RNASEK: variants seen among roughly 807,000 people sequenced by gnomAD.
RNASEK encodes the protein ribonuclease kappa.
In RNASEK, 7 loss-of-function variants were observed where a neutral mutation model predicts 11.2. The observed-to-expected ratio is 0.62, with a 90% CI of 0.35 to 1.17. The LOEUF (loss-of-function observed/expected upper bound fraction) is 1.17. Among genes scored for constraint, RNASEK ranks in the 50% most tolerant of loss-of-function variants. The pLI is 0.02. For synonymous variants in RNASEK, 46 were observed against 49.5 expected (o/e 0.93, Z 0.30); for missense variants, 101 against 126.7 (o/e 0.80, Z 0.97).
intron 2 of RNASEK, 83 bp downstream of exon 2, chr17:7,013,825 G>C: frequency 9.2e-7 from 1 of 1,082,828 alleles, no homozygotes; most frequent in Non-Finnish European, 1.4e-6. Context: ...TGGGAGGCCC[G>C]GTGCTTAGGG....
At position 7,014,332 on chromosome 17, in the gene RNASEK, C is replaced by G. The variant is rs1373081131; in HGVS notation, c.*46C>G. ...CTCCAGCCCCTCCTCTATTTAAAGA[C>G]TCCCTGCACCGTGTCACCCAGGTCG... On this transcript the variant is annotated 3_prime_UTR_variant, in exon 3 of 3. Coordinates refer to ENST00000593646, the MANE Select transcript of RNASEK (RefSeq NM_001004333.5). The surrounding 1 kb of genome is among the most constrained non-coding windows in gnomAD (Gnocchi z 4.5). The G allele has an allele frequency of 1.9e-6, 3 of 1,601,894 alleles. No individual in the cohort carries two copies. The highest frequency in any genetic ancestry group is 2.6e-6 in the Non-Finnish European group (3 of 1,172,036).
intron 1 of RNASEK, chr17:7,013,204 C>A: frequency 2.7e-6 from 2 of 738,356 alleles, no homozygotes; most frequent in Non-Finnish European, 4.3e-6. Flanking sequence ...GGAGACCCCT[C>A]AAGGTAGGAG....
Position 7,014,336 on chromosome 17 carries a change from C to T in RNASEK, c.*50C>T. ...AGCCCCTCCTCTATTTAAAGACTCC[C>T]TGCACCGTGTCACCCAGGTCGCGTC... On this transcript the variant is annotated 3_prime_UTR_variant, in exon 3 of 3. Coordinates refer to ENST00000593646, the MANE Select transcript of RNASEK (RefSeq NM_001004333.5). This position sits in a 1 kb window ranked among gnomAD's most constrained non-coding sequence, Gnocchi z 4.5. 1.9e-6 allele frequency: 3 copies of T among 1,600,096 alleles called. No individual in the cohort carries two copies. Among genetic ancestry groups the T allele is most frequent in the Non-Finnish European group, 2.6e-6 (3 of 1,170,708 alleles).
Position 7,013,643 on chromosome 17 carries a change from G to A in RNASEK, c.79-23G>A, listed in dbSNP as rs368998727. 1.1e-4 allele frequency: 170 copies of A among 1,608,960 alleles called. 1 individual carries two copies. The highest frequency in any genetic ancestry group is 1.4e-4 in the Non-Finnish European group (164 of 1,175,374). On this transcript the variant is annotated intron_variant, in intron 1 of 2. Transcript: ENST00000593646. Reference sequence around the variant, plus strand: ...TGAGGTCAGGTGCCTGAATTCAACAGTCTACCCATTCCCCTTTTCCAGATA... The same window carrying A: ...TGAGGTCAGGTGCCTGAATTCAACAATCTACCCATTCCCCTTTTCCAGATA...
chr17:7,014,247 A>G lies in RNASEK; in HGVS notation c.258A>G (p.Gln86=), dbSNP rs748938210. 1.9e-6 allele frequency: 3 copies of G among 1,613,612 alleles called. No individual in the cohort carries two copies. Among genetic ancestry groups the G allele is most frequent in the East Asian group, 4.5e-5 (2 of 44,866 alleles). Reference sequence around the variant, plus strand: ...TCCTCGGAGGCTTCTCTTTCTGCCAAGTTCGGCTCAATAAGCGCAAGGAAT... The same window carrying G: ...TCCTCGGAGGCTTCTCTTTCTGCCAGGTTCGGCTCAATAAGCGCAAGGAAT... ...YLLLGGFSFC[Q]VRLNKRKEYM... Residue 86 remains glutamine (Q), a synonymous_variant, in exon 3 of 3, where the codon CAA becomes CAG. Coordinates refer to ENST00000593646, the MANE Select transcript of RNASEK (RefSeq NM_001004333.5). This position sits in a 1 kb window ranked among gnomAD's most constrained non-coding sequence, Gnocchi z 4.5.
intron 1 of RNASEK, chr17:7,013,410 T>C: frequency 6.5e-7 from 1 of 1,535,856 alleles, no homozygotes; most frequent in Non-Finnish European, 8.7e-7. Flanking sequence ...TGATGACGCC[T>C]CCAGAGAGGA....
Position 7,014,421 on chromosome 17 carries a change from C to A in RNASEK, c.*135C>A. The A allele has an allele frequency of 1.1e-6, 1 of 913,276 alleles. No homozygotes were observed. The highest frequency in any genetic ancestry group is 1.6e-6 in the Non-Finnish European group (1 of 609,040). 56.6% of individuals were successfully genotyped at this position (913,276 alleles called of 1,614,324 possible). On this transcript the variant is annotated 3_prime_UTR_variant, in exon 3 of 3. Coordinates refer to ENST00000593646, the MANE Select transcript of RNASEK (RefSeq NM_001004333.5). This position sits in a 1 kb window ranked among gnomAD's most constrained non-coding sequence, Gnocchi z 4.5. Reference sequence around the variant, plus strand: ...TCCCGGGCGAGAGACTGAATCCCTTCTCCCATCTCTGGCATCCGGCCCCCG... The same window carrying A: ...TCCCGGGCGAGAGACTGAATCCCTTATCCCATCTCTGGCATCCGGCCCCCG...
chr17:7,013,836 C>T (rs946485125), intron 2 of RNASEK, 94 bp downstream of exon 2: 21 of 1,028,106 alleles, frequency 2.0e-5, no homozygotes, highest in Non-Finnish European at 3.1e-5. Flanking sequence ...GTGCTTAGGG[C>T]CCCTAGGTTA....
chr17:7,012,649 C>T lies in RNASEK; in HGVS notation c.-35C>T, dbSNP rs775804476. On this transcript the variant is annotated 5_prime_UTR_variant, in exon 1 of 3. Coordinates refer to ENST00000593646, the MANE Select transcript of RNASEK (RefSeq NM_001004333.5). ...GCTTTCTCCCACCGCTTTCCGAGCC[C>T]GCTTGCACCTCGGCGATCCCCGACT... 3.7e-6 allele frequency: 6 copies of T among 1,610,226 alleles called. No homozygotes were observed. The highest frequency in any genetic ancestry group is 4.5e-5 in the East Asian group (2 of 44,872).
chr17:7,012,659 T>C lies in RNASEK; in HGVS notation c.-25T>C, dbSNP rs768800990. The C allele has an allele frequency of 6.2e-7, 1 of 1,611,600 alleles. No homozygotes were observed. The highest frequency in any genetic ancestry group is 8.5e-7 in the Non-Finnish European group (1 of 1,179,770). The stretch of plus-strand genomic sequence containing the variant: ...ACCGCTTTCCGAGCCCGCTTGCACC[T>C]CGGCGATCCCCGACTCCCTTCTTTA... On this transcript the variant is annotated 5_prime_UTR_variant, in exon 1 of 3. Transcript: ENST00000593646.
intron 1 of RNASEK, 105 bp from the exon 2 acceptor site, chr17:7,013,561 T>A: frequency 6.2e-7 from 1 of 1,608,602 alleles, no homozygotes; most frequent in Non-Finnish European, 8.5e-7. Flanking sequence ...TTTTGGTTAA[T>A]CTCAGGCTCG....
Position 7,013,743 on chromosome 17 carries a change from G to GT in RNASEK, c.155+2dup. On this transcript the variant is annotated splice_donor_variant, in intron 2 of 2. Transcript: ENST00000593646. LOFTEE classifies it high-confidence loss of function. ...TTCCCTTCACGGAGAAAGATTTTGA[G>GT]TAAGTATTCGGGTGGGGGAGGCGGG... 2.0e-6 allele frequency: 2 copies of GT among 1,024,724 alleles called. No individual in the cohort carries two copies. Among genetic ancestry groups the GT allele is most frequent in the Non-Finnish European group, 2.9e-6 (2 of 684,498 alleles). The allele number at this position is 1,024,724 out of a possible 1,614,324, so 63.5% of individuals were successfully genotyped here.
At chr17:7,013,625 A>G in intron 1 of RNASEK, 41 bp from the exon 2 acceptor site, 4 of 1,596,368 alleles carry the variant, frequency 2.5e-6, no homozygotes, top group Non-Finnish European at 3.4e-6. Flanking sequence ...ACATGAGGTC[A>G]GGTGCCTGAA....
Position 7,014,080 on chromosome 17 carries a change from C to T in RNASEK, c.156-65C>T. 1 of 1,466,360 alleles carries T rather than the reference C, an allele frequency of 6.8e-7. No homozygotes were observed. Among genetic ancestry groups the T allele is most frequent in the Non-Finnish European group, 9.3e-7 (1 of 1,070,048 alleles). 90.8% of individuals were successfully genotyped at this position (1,466,360 alleles called of 1,614,324 possible). A position where few individuals can be genotyped will look rare whatever the true frequency, so the allele number is the denominator to read the frequency against. The stretch of plus-strand genomic sequence containing the variant: ...ACAGCGCCTAAACAGGTGTCGGGCA[C>T]ATAGTGCTCAGAAAATGTTGGCTCC... On this transcript the variant is annotated intron_variant, in intron 2 of 2. Coordinates refer to ENST00000593646, the MANE Select transcript of RNASEK (RefSeq NM_001004333.5). The surrounding 1 kb of genome is among the most constrained non-coding windows in gnomAD (Gnocchi z 4.5).
Position 7,013,707 on chromosome 17 carries a change from G to C in RNASEK, c.120G>C (p.Leu40Phe), listed in dbSNP as rs554389657. 6.5e-7 allele frequency: 1 copy of C among 1,539,974 alleles called. No homozygotes were observed. The highest frequency in any genetic ancestry group is 2.5e-5 in the East Asian group (1 of 39,262). Reference protein sequence around the residue: ...GIFFNVHSAVLIEDVPFTEKD... With the variant: ...GIFFNVHSAVFIEDVPFTEKD... ...TTTTCAATGTCCATTCCGCTGTGTT[G>C]ATTGAGGACGTTCCCTTCACGGAGA... Residue 40 changes from leucine (L) to phenylalanine (F), a missense_variant, in exon 2 of 3, where the codon TTG (leucine) becomes TTC (phenylalanine). Physicochemically the swap from Leu to Phe is conservative, Grantham distance 22. Coordinates refer to ENST00000593646, the MANE Select transcript of RNASEK (RefSeq NM_001004333.5).
chr17:7,013,772 G>C lies in RNASEK; in HGVS notation c.155+30G>C, dbSNP rs781009901. The C allele has an allele frequency of 3.4e-6, 5 of 1,471,048 alleles. No individual in the cohort carries two copies. The South Asian group carries it at 5.7e-5, about 17-fold the overall frequency. 91.1% of individuals were successfully genotyped at this position (1,471,048 alleles called of 1,614,324 possible). A position where few individuals can be genotyped will look rare whatever the true frequency, so the allele number is the denominator to read the frequency against. Reference sequence around the variant, plus strand: ...GTATTCGGGTGGGGGAGGCGGGCTGGGAGCAGGTGGGAGGTGGCGAGGCCT... The same window carrying C: ...GTATTCGGGTGGGGGAGGCGGGCTGCGAGCAGGTGGGAGGTGGCGAGGCCT... On this transcript the variant is annotated intron_variant, in intron 2 of 2. Transcript: ENST00000593646.
At position 7,013,937 on chromosome 17, in the gene RNASEK, G is replaced by A. The variant is rs527562200; in HGVS notation, c.155+195G>A. ...CGGCCATCCCAAACCCACCACCTTAGGTGTGACCTCTTTAGGTATTTTACT... is the reference window on the plus strand; with the variant it reads ...CGGCCATCCCAAACCCACCACCTTAAGTGTGACCTCTTTAGGTATTTTACT... On this transcript the variant is annotated intron_variant, in intron 2 of 2. Coordinates refer to ENST00000593646, the MANE Select transcript of RNASEK (RefSeq NM_001004333.5). The A allele has an allele frequency of 2.6e-4, 176 of 687,798 alleles. 1 individual carries two copies. The South Asian group carries it at 3.0e-3, about 12-fold the overall frequency. The allele number at this position is 687,798 out of a possible 1,614,324, so 42.6% of individuals were successfully genotyped here. A position where few individuals can be genotyped will look rare whatever the true frequency, so the allele number is the denominator to read the frequency against.
chr17:7,013,516 G>A (rs1266646564), intron 1 of RNASEK, 150 bp from the exon 2 acceptor site: 4 of 1,590,014 alleles, frequency 2.5e-6, no homozygotes, highest in Non-Finnish European at 3.4e-6. Context: ...CCCTGTTCCA[G>A]GTGGCTGAGT....
rs539132072 is a variant in RNASEK, at chr17:7,013,433, T to C, written c.79-233T>C. ...CCTCCAGAGAGGACGATAATCTGGG[T>C]TCCTGGGAGAGATGGCTTGGTCACT... On this transcript the variant is annotated intron_variant, in intron 1 of 2. Coordinates refer to ENST00000593646, the MANE Select transcript of RNASEK (RefSeq NM_001004333.5). The C allele has an allele frequency of 2.0e-6, 3 of 1,536,608 alleles. No homozygotes were observed. The African/African-American group carries it at 4.1e-5, about 21-fold the overall frequency.
Sources: allele counts gnomAD v4.1 joint callset, GRCh38; gene constraint gnomAD v4.1.1; non-coding constraint Gnocchi (gnomAD v3.1); transcripts MANE v1.5; gene names NCBI Gene and HGNC (gene_info 2026-07-23, HGNC 2026-07-21).